Variants in CCNH observed in about 807,000 individuals in gnomAD.
The protein encoded by CCNH is cyclin-H.
CCNH carries 31 observed loss-of-function variants against 41.9 expected under a neutral mutation model. That is an observed-to-expected ratio of 0.74 (90% confidence interval 0.56 to 1.00). The LOEUF is 1.00. CCNH is among the 50% of genes least tolerant of loss of function. The probability of loss-of-function intolerance (pLI) is 0.00; values close to 1 mark genes in which losing one functional copy is unlikely to be tolerated. For synonymous variants in CCNH, 138 were observed against 136.1 expected (o/e 1.01, Z -0.10); for missense variants, 362 against 388.4 (o/e 0.93, Z 0.57).
At chr5:87,389,257 G>A (rs1169970514), downstream of CCNH, 14 of 1,089,982 alleles carry the variant, frequency 1.3e-5, no homozygotes, top group Non-Finnish European at 1.7e-5. Context: ...CTTGAACCCG[G>A]GAGGCGGAGG....
chr5:87,372,749 T>A (rs1253156062), downstream of CCNH, among the ~76,000 whole-genome samples: 1 of 152,168 alleles, frequency 6.6e-6, no homozygotes, highest in Non-Finnish European at 1.5e-5. Flanking sequence ...TTCTTTTTAG[T>A]AATCCCTGTA....
At chr5:87,411,669 A>AC (rs1266945964) in intron 1 of CCNH, among the ~76,000 whole-genome samples, 4 of 151,960 alleles carry the variant, frequency 2.6e-5, no homozygotes, top group Admixed American at 2.0e-4. Flanking sequence ...AAGTAGACAG[A>AC]CTTTTTAAAA....
intron 9 of CCNH, among the ~76,000 whole-genome samples, chr5:87,351,067 T>G (rs1409267751): frequency 1.3e-5 from 2 of 151,710 alleles, no homozygotes; most frequent in African/African-American, 4.8e-5. Context: ...CATACTCTGC[T>G]GTCCCATCTC....
In CCNH at chr5:87,400,806, G is replaced by A. The variant is rs766022658; in HGVS notation, c.760+896C>T. On this transcript the variant is annotated intron_variant, in intron 6 of 8. Coordinates refer to ENST00000256897, the MANE Select transcript of CCNH (RefSeq NM_001239.4). ...AGAAGGTTTGGAAACAAACATGATC[G>A]ACTTTTAACCCCAAAGAGTAGCTTA... Among the ~76,000 whole-genome samples, 183 of 152,244 alleles carry A rather than the reference G, an allele frequency of 1.2e-3. 1 individual carries two copies. Among genetic ancestry groups the A allele is most frequent in the Middle Eastern group, 3.4e-3 (1 of 294 alleles).
At chr5:87,361,102 A>G (rs1760057252) in intron 9 of CCNH, among the ~76,000 whole-genome samples, 1 of 152,180 alleles carries the variant, frequency 6.6e-6, no homozygotes, top group African/African-American at 2.4e-5. Flanking sequence ...AGCGGTTGGC[A>G]AAAGTTTTCT....
At position 87,412,872 on chromosome 5, in the gene CCNH, ACC is replaced by A; in HGVS notation, c.-80_-79del. The A allele has an allele frequency of 1.3e-6, 2 of 1,559,306 alleles. No individual in the cohort carries two copies. The highest frequency in any genetic ancestry group is 1.7e-6 in the Non-Finnish European group (2 of 1,148,024). On this transcript the variant is annotated 5_prime_UTR_variant, in exon 1 of 9. Transcript: ENST00000256897. ...CAGCGTCCTGGCGTAAAACACCCGT[ACC>A]CCCACCGAAGATCTCGCGGAAGCCT... is the stretch of plus-strand genomic sequence containing the variant.
upstream of CCNH, chr5:87,379,798 A>G: frequency 6.2e-7 from 1 of 1,612,982 alleles, no homozygotes; most frequent in South Asian, 1.1e-5. Flanking sequence ...CCTATTGAAC[A>G]TACTTTCAGA....
At chr5:87,359,921 T>C (rs1759943786) in intron 9 of CCNH, among the ~76,000 whole-genome samples, 1 of 152,172 alleles carries the variant, frequency 6.6e-6, no homozygotes, top group Non-Finnish European at 1.5e-5. Flanking sequence ...CTAACAGTTC[T>C]TCACCCTTCG....
At chr5:87,335,927 T>A (rs1386789149) in intron 9 of CCNH, among the ~76,000 whole-genome samples, 1 of 152,220 alleles carries the variant, frequency 6.6e-6, no homozygotes, top group Non-Finnish European at 1.5e-5. Context: ...GGATTCCATA[T>A]TACAACTAAC....
chr5:87,410,602 G>A (rs1764157112), intron 2 of CCNH, among the ~76,000 whole-genome samples: 1 of 152,074 alleles, frequency 6.6e-6, no homozygotes, highest in African/African-American at 2.4e-5. Flanking sequence ...AAACCAGTGA[G>A]AGAATAACGT....
chr5:87,357,012 C>T (rs1362382000), intron 9 of CCNH, among the ~76,000 whole-genome samples: 1 of 152,158 alleles, frequency 6.6e-6, no homozygotes, highest in Non-Finnish European at 1.5e-5. Flanking sequence ...GAATGATTCT[C>T]TGCTTTCCAG....
chr5:87,386,580 G>C (rs1437370676), downstream of CCNH, among the ~76,000 whole-genome samples: 10 of 151,976 alleles, frequency 6.6e-5, no homozygotes. Context: ...CCTCAGTATA[G>C]CCATTTGCTT....
At chr5:87,346,125 G>A (rs1440087455) in intron 9 of CCNH, among the ~76,000 whole-genome samples, 1 of 152,018 alleles carries the variant, frequency 6.6e-6, no homozygotes, top group Non-Finnish European at 1.5e-5. Flanking sequence ...TAGGCTGTTA[G>A]CTCAAATAGA....
At chr5:87,378,712 A>G (rs1254536835), upstream of CCNH, among the ~76,000 whole-genome samples, 1 of 152,212 alleles carries the variant, frequency 6.6e-6, no homozygotes, top group East Asian at 1.9e-4. Context: ...TGGACTTCTT[A>G]AAAAAGATGT....
chr5:87,412,553 A>G, intron 1 of CCNH, 125 bp downstream of exon 1: 1 of 1,468,064 alleles, frequency 6.8e-7, no homozygotes, highest in Non-Finnish European at 9.0e-7. Context: ...TTGATAGAAA[A>G]ACGCACTCCG....
At chr5:87,315,457 A>G (rs1756253535), downstream of CCNH, among the ~76,000 whole-genome samples, 1 of 152,224 alleles carries the variant, frequency 6.6e-6, no homozygotes, top group Non-Finnish European at 1.5e-5. Flanking sequence ...TAGGCCTCAC[A>G]AAGGCCCTAC....
intron 9 of CCNH, among the ~76,000 whole-genome samples, chr5:87,370,224 T>C (rs974344490): frequency 1.3e-5 from 2 of 152,152 alleles, no homozygotes; most frequent in African/African-American, 4.8e-5. Context: ...AATCCAAAGG[T>C]AAGCCAGTTA....
rs368500974 is a variant in CCNH at position 87,385,386 on chromosome 5, T to G, written c.*90+7384A>C. On this transcript the variant is annotated intron_variant and NMD_transcript_variant, in intron 9 of 9. Coordinates refer to the CCNH transcript ENST00000645953. ...TAGCAAATCTTGTGGAATTTGGAGC[T>G]AAGGTAAAAACATTTTGATACTTTA... The G allele has an allele frequency of 2.5e-6, 4 of 1,594,222 alleles. No individual in the cohort carries two copies. Among genetic ancestry groups the G allele is most frequent in the Non-Finnish European group, 1.7e-6 (2 of 1,162,566 alleles).
At chr5:87,360,252 A>G (rs910942232) in intron 9 of CCNH, among the ~76,000 whole-genome samples, 2 of 150,390 alleles carry the variant, frequency 1.3e-5, no homozygotes, top group Non-Finnish European at 3.0e-5. Context: ...TCAGCCTCCC[A>G]TGTAGCTGGA....
Sources: gnomAD v4.1 joint callset for allele counts (sites outside exome capture counted in the v4.1 genomes callset) on GRCh38, gnomAD v4.1.1 for gene constraint, MANE v1.5 for transcripts, NCBI Gene and HGNC (gene_info 2026-07-23, HGNC 2026-07-21) for gene names.